FAM193A: variants seen among roughly 807,000 people sequenced by gnomAD.
FAM193A encodes protein FAM193A.
A neutral mutation model predicts 126.5 loss-of-function variants in FAM193A; 22 were observed. The observed-to-expected ratio is 0.17, with a 90% CI of 0.12 to 0.25. The LOEUF (loss-of-function observed/expected upper bound fraction) is 0.25, where lower values mean the gene tolerates loss of function less well. Ranked by LOEUF, FAM193A falls within the 10% of genes least tolerant of loss-of-function variation. FAM193A has a pLI of 1.00. For missense variants in FAM193A, 1,675 were observed against 1,672.8 expected (o/e 1.00, Z -0.02); for synonymous variants, 761 against 646.8 (o/e 1.18, Z -2.68).
In FAM193A at chr4:2,559,512, A is replaced by G. The variant is rs538013130; in HGVS notation, c.255+22342A>G. Among the ~76,000 whole-genome samples the G allele has an allele frequency of 2.5e-4, 38 of 152,250 alleles. No homozygotes were observed. In the South Asian group the frequency reaches 7.7e-3, roughly 31 times the overall value. ...GTGGCACAATTATAGCTCATTGTCAACTTGACTTCCTGGGCTCAAGCAATC... is the reference window on the plus strand; with the variant it reads ...GTGGCACAATTATAGCTCATTGTCAGCTTGACTTCCTGGGCTCAAGCAATC... On this transcript the variant is annotated intron_variant, in intron 1 of 20. Transcript: ENST00000637812.
intron 1 of FAM193A, among the ~76,000 whole-genome samples, chr4:2,580,024 A>T (rs976255301): frequency 3.3e-5 from 5 of 152,184 alleles, no homozygotes; most frequent in African/African-American, 1.2e-4. Context: ...ACATGGAATC[A>T]ACCCAAATGC....
chr4:2,585,622 CA>C (rs1409815953), intron 1 of FAM193A, among the ~76,000 whole-genome samples: 2 of 151,564 alleles, frequency 1.3e-5, no homozygotes, highest in African/African-American at 4.9e-5. Flanking sequence ...TAATGTTTAT[CA>C]AATAGAAGTT....
intron 1 of FAM193A, among the ~76,000 whole-genome samples, chr4:2,576,981 C>T (rs181198112): frequency 6.6e-6 from 1 of 152,332 alleles, no homozygotes; most frequent in East Asian, 1.9e-4. Context: ...AACATATTCA[C>T]AAAGCAGTTT....
chr4:2,641,675 A>G (rs1213787775), intron 6 of FAM193A, among the ~76,000 whole-genome samples: 1 of 152,054 alleles, frequency 6.6e-6, no homozygotes, highest in Admixed American at 6.5e-5. Context: ...ACAAAAACAA[A>G]CAAACAAAAA....
At position 2,693,689 on chromosome 4, in the gene FAM193A, T is replaced by A; in HGVS notation, c.2907T>A (p.Pro969=). The change falls in exon 16 of 21, where the codon CCT becomes CCA. Residue 969 remains proline, a synonymous_variant. Transcript: ENST00000637812. ...TGLAPLPALS[P]AALSPAALSP... ...TGGCCCCCCTCCCAGCGCTCTCGCC[T>A]GCTGCGCTGTCACCTGCTGCGCTCT... The A allele has an allele frequency of 6.2e-7, 1 of 1,614,202 alleles. No homozygotes were observed.
At chr4:2,671,319 C>G (rs1713756954) in intron 12 of FAM193A, among the ~76,000 whole-genome samples, 1 of 152,212 alleles carries the variant, frequency 6.6e-6, no homozygotes, top group South Asian at 2.1e-4. Flanking sequence ...ACCTCAGTCT[C>G]AAGGGAACAG....
intron 5 of FAM193A, among the ~76,000 whole-genome samples, chr4:2,633,770 A>G (rs1012761418): frequency 1.3e-5 from 2 of 151,706 alleles, no homozygotes; most frequent in East Asian, 3.9e-4. Flanking sequence ...GCACGCGCCT[A>G]TAATCCCAGC....
intron 13 of FAM193A, among the ~76,000 whole-genome samples, chr4:2,681,151 A>G (rs1715067422): frequency 6.6e-6 from 1 of 151,664 alleles, no homozygotes; most frequent in African/African-American, 2.4e-5. Context: ...CACCACTCCC[A>G]GCCCCTTTTA....
chr4:2,696,307 AATTT>A, intron 17 of FAM193A, 52 bp from the exon 18 acceptor site: 1 of 1,225,498 alleles, frequency 8.2e-7, no homozygotes, highest in East Asian at 2.3e-5. Context: ...TGTGGTCTGA[AATTT>A]ATTATATTCA....
At chr4:2,705,388 T>C (rs1372346330) in intron 19 of FAM193A, among the ~76,000 whole-genome samples, 1 of 152,178 alleles carries the variant, frequency 6.6e-6, no homozygotes, top group African/African-American at 2.4e-5. Flanking sequence ...TTTTGAATAA[T>C]TGTTAGAAAG....
At position 2,681,187 on chromosome 4, in the gene FAM193A, C is replaced by T. The variant is rs149798063; in HGVS notation, c.2332-8319C>T. 2.6e-5 allele frequency among the ~76,000 whole-genome samples: 4 copies of T among 151,996 alleles called. No individual in the cohort carries two copies. The East Asian group carries it at 7.8e-4, about 30-fold the overall frequency. On this transcript the variant is annotated intron_variant, in intron 13 of 20. Transcript: ENST00000637812. ...TTTCTGTGTAATCAATAATAATGTCCCCACTTTCATTTCTGATTATAGTAA... is the reference window on the plus strand; with the variant it reads ...TTTCTGTGTAATCAATAATAATGTCTCCACTTTCATTTCTGATTATAGTAA...
chr4:2,567,126 T>C (rs1739014752), intron 1 of FAM193A, among the ~76,000 whole-genome samples: 1 of 151,480 alleles, frequency 6.6e-6, no homozygotes, highest in South Asian at 2.1e-4. Context: ...TTTTTTGTAT[T>C]TTTAGTAGAG....
intron 15 of FAM193A, among the ~76,000 whole-genome samples, chr4:2,692,579 G>A (rs529035841): frequency 4.6e-5 from 7 of 152,274 alleles, no homozygotes; most frequent in Non-Finnish European, 7.4e-5. Context: ...AGGATCCAAC[G>A]TAATATTTGC....
intron 1 of FAM193A, among the ~76,000 whole-genome samples, chr4:2,545,015 C>T (rs542369484): frequency 2.0e-5 from 3 of 149,702 alleles, no homozygotes; most frequent in Admixed American, 6.7e-5. Context: ...TTTTTTGAGA[C>T]GGAGTCTCCC....
intron 2 of FAM193A, among the ~76,000 whole-genome samples, chr4:2,601,727 A>G (rs569674747): frequency 1.6e-4 from 24 of 146,264 alleles, no homozygotes; most frequent in Admixed American, 1.4e-3. Flanking sequence ...TGTCTCTATA[A>G]AAAAAAAAAA....
At chr4:2,657,714 A>G in intron 7 of FAM193A, 89 bp from the exon 8 acceptor site, 1 of 791,042 alleles carries the variant, frequency 1.3e-6, no homozygotes, top group Non-Finnish European at 2.1e-6. Context: ...ATATCATTTT[A>G]AGAAAGTCTC....
chr4:2,649,412 C>G, intron 7 of FAM193A, among the ~76,000 whole-genome samples: 1 of 150,728 alleles, frequency 6.6e-6, no homozygotes, highest in Non-Finnish European at 1.5e-5. Context: ...GTGGCTCACA[C>G]CTGTATTCCT....
intron 18 of FAM193A, among the ~76,000 whole-genome samples, chr4:2,699,446 C>CCCCCCACA (rs748329252): frequency 3.9e-5 from 4 of 103,470 alleles, no homozygotes; most frequent in Admixed American, 1.2e-4. Context: ...ACCCCCCCCC[C>CCCCCCACA]CACACACACA....
At chr4:2,632,331 C>T (rs975501384) in intron 5 of FAM193A, among the ~76,000 whole-genome samples, 6 of 152,046 alleles carry the variant, frequency 3.9e-5, no homozygotes, top group African/African-American at 1.2e-4. Context: ...TTTGGGAAGC[C>T]AAAGTGGGAG....
Sources: gnomAD v4.1 joint callset for allele counts (sites outside exome capture counted in the v4.1 genomes callset) on GRCh38, gnomAD v4.1.1 for gene constraint, MANE v1.5 for transcripts, NCBI Gene and HGNC (gene_info 2026-07-23, HGNC 2026-07-21) for gene names.